WDR41: variants seen among roughly 807,000 people sequenced by gnomAD.
The protein encoded by WDR41 is WD repeat-containing protein 41.
A neutral mutation model predicts 69.3 loss-of-function variants in WDR41; 63 were observed. That is an observed-to-expected ratio of 0.91 (90% CI 0.74 to 1.12). The LOEUF (loss-of-function observed/expected upper bound fraction) is 1.12. Among genes scored for constraint, WDR41 ranks in the 50% most tolerant of loss-of-function variants. The probability of loss-of-function intolerance (pLI) is 0.00; values close to 1 mark genes in which losing one functional copy is unlikely to be tolerated. For synonymous variants in WDR41, 185 were observed against 192.1 expected (o/e 0.96, Z 0.31); for missense variants, 543 against 534.5 (o/e 1.02, Z -0.16).
intron 1 of WDR41, among the ~76,000 whole-genome samples, chr5:77,565,649 C>G (rs1178692112): frequency 6.6e-6 from 1 of 151,990 alleles, no homozygotes; most frequent in African/African-American, 2.4e-5. Flanking sequence ...ATCTACCCAC[C>G]AATATAAACC....
chr5:77,592,422 G>A (rs1311740434), intron 1 of WDR41, among the ~76,000 whole-genome samples: 1 of 151,884 alleles, frequency 6.6e-6, no homozygotes, highest in African/African-American at 2.4e-5. Flanking sequence ...CCTTGTTTTA[G>A]ATAGTCAAGA....
intron 9 of WDR41, among the ~76,000 whole-genome samples, chr5:77,438,934 T>C (rs1581692066): frequency 6.6e-6 from 1 of 152,202 alleles, no homozygotes; most frequent in East Asian, 1.9e-4. Context: ...AACTTTAATC[T>C]TTTGAAAGCA....
intron 1 of WDR41, among the ~76,000 whole-genome samples, chr5:77,586,400 G>T (rs1327461898): frequency 1.7e-4 from 26 of 152,022 alleles, no homozygotes; most frequent in Non-Finnish European, 3.7e-4. Context: ...TCTACCTTCT[G>T]GATTCAGTTG....
chr5:77,462,844 C>T (rs1800129731), intron 4 of WDR41, among the ~76,000 whole-genome samples: 1 of 152,158 alleles, frequency 6.6e-6, no homozygotes, highest in Non-Finnish European at 1.5e-5. Context: ...TTTTATACAA[C>T]CTGATAGAGT....
At chr5:77,442,010 C>T (rs1052261659) in intron 8 of WDR41, among the ~76,000 whole-genome samples, 3 of 152,036 alleles carry the variant, frequency 2.0e-5, no homozygotes, top group Admixed American at 2.0e-4. Context: ...ACTTGTGAAT[C>T]AGGAAATATA....
Position 77,453,833 on chromosome 5 carries a change from G to T in WDR41, c.507C>A (p.Ser169Arg), listed in dbSNP as rs753996694. 1 of 1,613,672 alleles carries T rather than the reference G, an allele frequency of 6.2e-7. No individual in the cohort carries two copies. The highest frequency in any genetic ancestry group is 1.7e-5 in the Admixed American group (1 of 59,976). The change falls in exon 6 of 13, where the codon AGC becomes AGA. Residue 169 changes from serine (S) to arginine (R), a missense_variant. Physicochemically the swap from Ser to Arg is moderately radical, Grantham distance 110. Coordinates refer to ENST00000296679, the MANE Select transcript of WDR41 (RefSeq NM_018268.4). ...NRKLDLLCKTSHLSDTGISAL... is the reference protein window; with the variant it reads ...NRKLDLLCKTRHLSDTGISAL... ...GTTTTTTACCTGTATCAGAAAGGTG[G>T]CTAGTCTTACACAGGAGATCTAATT...
chr5:77,556,369 C>T (rs191238128), intron 1 of WDR41, among the ~76,000 whole-genome samples: 3 of 151,994 alleles, frequency 2.0e-5, no homozygotes, highest in Admixed American at 6.6e-5. Flanking sequence ...CCTCCCAAAG[C>T]GCTGGGATTA....
chr5:77,432,017 A>T lies in WDR41; in HGVS notation c.*1118T>A, dbSNP rs1345052284. On this transcript the variant is annotated 3_prime_UTR_variant, in exon 13 of 13. Coordinates refer to ENST00000296679, the MANE Select transcript of WDR41 (RefSeq NM_018268.4). The stretch of plus-strand genomic sequence containing the variant: ...AACATTATGCCACTGGTCTACTCAG[A>T]TGACCTTAACTCTTCCAGTCTTTGT... The T allele has an allele frequency of 6.6e-6, 1 of 152,214 alleles. No homozygotes were observed. The highest frequency in any genetic ancestry group is 1.5e-5 in the Non-Finnish European group (1 of 68,034). 9.4% of individuals were successfully genotyped at this position (152,214 alleles called of 1,614,324 possible). A position where few individuals can be genotyped will look rare whatever the true frequency, so the allele number is the denominator to read the frequency against.
At position 77,433,275 on chromosome 5, in the gene WDR41, A is replaced by G; in HGVS notation, c.1240T>C (p.Phe414Leu). 2 of 1,611,636 alleles carry G rather than the reference A, an allele frequency of 1.2e-6. No homozygotes were observed. The highest frequency in any genetic ancestry group is 1.7e-6 in the Non-Finnish European group (2 of 1,179,382). The change falls in exon 13 of 13, where the codon TTT becomes CTT. Residue 414 changes from phenylalanine (F) to leucine (L), a missense_variant. Physicochemically the swap from Phe to Leu is conservative, Grantham distance 22. Transcript: ENST00000296679. ...HSSSVEMFLYFEDHGLVTCSA... is the reference protein window; with the variant it reads ...HSSSVEMFLYLEDHGLVTCSA... ...CACGTCACTAGTCCATGATCTTCAA[A>G]GTATAGAAACATCTGTAAAGAAAAT...
At chr5:77,574,425 A>C (rs1229468131) in intron 1 of WDR41, among the ~76,000 whole-genome samples, 1 of 152,208 alleles carries the variant, frequency 6.6e-6, no homozygotes, top group African/African-American at 2.4e-5. Context: ...TCAGGTGTGC[A>C]GCCAGCAGTC....
intron 1 of WDR41, among the ~76,000 whole-genome samples, chr5:77,505,525 T>C (rs1307041994): frequency 7.2e-5 from 11 of 151,904 alleles, no homozygotes; most frequent in Admixed American, 4.6e-4. Flanking sequence ...TGGAAAAAAC[T>C]AAAGTTAAAA....
rs764631325 is a variant in WDR41 at position 77,512,331 on chromosome 5, T to TGAGAGAGAGAGAGAGAGAGA, written c.43-22779_43-22760dup. On this transcript the variant is annotated intron_variant, in intron 1 of 5. Transcript: ENST00000509971. ...ATGGTCTGTAATTACATGGGGTGAGTGAGAGAGAGAGAGAGAGAGAGTGAG... is the reference window on the plus strand; with the variant it reads ...ATGGTCTGTAATTACATGGGGTGAGTGAGAGAGAGAGAGAGAGAGAGAGAGAGAGAGAGAGAGAGAGTGAG... 1.8e-3 allele frequency among the ~76,000 whole-genome samples: 158 copies of TGAGAGAGAGAGAGAGAGAGA among 87,796 alleles called. 4 individuals carry two copies. The highest frequency in any genetic ancestry group is 5.7e-3 in the African/African-American group (109 of 19,216). The allele number at this position is 87,796 out of a possible 152,430, so 57.6% of individuals were successfully genotyped here. A position where few individuals can be genotyped will look rare whatever the true frequency, so the allele number is the denominator to read the frequency against.
intron 1 of WDR41, among the ~76,000 whole-genome samples, chr5:77,529,007 C>A (rs957995807): frequency 6.6e-6 from 1 of 151,372 alleles, no homozygotes; most frequent in African/African-American, 2.4e-5. Context: ...CTTCTATCAA[C>A]TTTGTACTGA....
At chr5:77,457,713 A>C (rs1306574698) in intron 5 of WDR41, among the ~76,000 whole-genome samples, 3 of 151,608 alleles carry the variant, frequency 2.0e-5, no homozygotes, top group Admixed American at 6.6e-5. Flanking sequence ...TTCAAAAAAT[A>C]AATGATAGTA....
chr5:77,531,618 T>A (rs1802530114), intron 1 of WDR41, among the ~76,000 whole-genome samples: 1 of 151,980 alleles, frequency 6.6e-6, no homozygotes, highest in Admixed American at 6.6e-5. Flanking sequence ...AATTACCATA[T>A]GCCCCCACAA....
chr5:77,553,197 A>C (rs1287922039), intron 1 of WDR41, among the ~76,000 whole-genome samples: 1 of 152,210 alleles, frequency 6.6e-6, no homozygotes, highest in Non-Finnish European at 1.5e-5. Context: ...ATTTATAAAG[A>C]ACAGACATTT....
intron 1 of WDR41, among the ~76,000 whole-genome samples, chr5:77,540,803 C>A (rs1743075523): frequency 6.6e-6 from 1 of 152,020 alleles, no homozygotes. Context: ...CTGCTGTATT[C>A]CAACAAAATT....
chr5:77,570,513 T>C (rs547470347), intron 1 of WDR41, among the ~76,000 whole-genome samples: 1 of 147,138 alleles, frequency 6.8e-6, no homozygotes, highest in South Asian at 2.3e-4. Context: ...TCATCTAGTA[T>C]GTCCTACATC....
chr5:77,443,458 C>T (rs1323997789), intron 8 of WDR41, among the ~76,000 whole-genome samples: 2 of 152,098 alleles, frequency 1.3e-5, no homozygotes, highest in Admixed American at 1.3e-4. Flanking sequence ...GACTCCAAGG[C>T]CATAATAGGT....
Sources: gnomAD v4.1 joint callset for allele counts (sites outside exome capture counted in the v4.1 genomes callset) on GRCh38, gnomAD v4.1.1 for gene constraint, MANE v1.5 for transcripts, NCBI Gene and HGNC (gene_info 2026-07-23, HGNC 2026-07-21) for gene names.